Variants in SLC35D3 observed in about 807,000 individuals in gnomAD.
The protein encoded by SLC35D3 is solute carrier family 35 member D3.
Under a neutral mutation model 20.3 loss-of-function variants are expected in SLC35D3, and 18 were observed. That is an observed-to-expected ratio of 0.89 (90% confidence interval 0.61 to 1.32). The LOEUF is 1.32. SLC35D3 is among the 40% of genes most tolerant of loss of function. The pLI, the probability that SLC35D3 is intolerant of heterozygous loss-of-function variation, is 0.00. For synonymous variants in SLC35D3, 313 were observed against 263.5 expected (o/e 1.19, Z -1.82); for missense variants, 556 against 565.5 (o/e 0.98, Z 0.17).
At position 136,923,790 on chromosome 6, in the gene SLC35D3, C is replaced by A; in HGVS notation, c.440-95C>A. 3.3e-6 allele frequency: 4 copies of A among 1,215,840 alleles called. No homozygotes were observed. Among genetic ancestry groups the A allele is most frequent in the Non-Finnish European group, 3.3e-6 (3 of 898,074 alleles). The allele number at this position is 1,215,840 out of a possible 1,614,324, so 75.3% of individuals were successfully genotyped here. On this transcript the variant is annotated intron_variant, in intron 1 of 1. Transcript: ENST00000331858. The surrounding 1 kb of genome is among the most constrained non-coding windows in gnomAD (Gnocchi z 6.2). ...GAACCCAGTCTCCTTTCCTACCCGACGCGTTTTCCCCGTGGGTCCCCGCCC... is the reference window on the plus strand; with the variant it reads ...GAACCCAGTCTCCTTTCCTACCCGAAGCGTTTTCCCCGTGGGTCCCCGCCC...
At position 136,924,194 on chromosome 6, in the gene SLC35D3, A is replaced by G. The variant is rs761828308; in HGVS notation, c.749A>G (p.Asn250Ser). Residue 250 changes from asparagine (N) to serine (S), a missense_variant, in exon 2 of 2, where the codon AAT becomes AGT. Physicochemically the swap from Asn to Ser is conservative, Grantham distance 46 (BLOSUM62 1). Transcript: ENST00000331858. ...NFTTLHCTYINSAVTTSFVGV... is the reference protein window; with the variant it reads ...NFTTLHCTYISSAVTTSFVGV... ...ACCACGCTGCACTGCACCTACATCA[A>G]TTCGGCCGTGACCACCAGCTTCGTG... 1.2e-6 allele frequency: 2 copies of G among 1,613,432 alleles called. No homozygotes were observed. The highest frequency in any genetic ancestry group is 1.3e-5 in the African/African-American group (1 of 74,912).
In SLC35D3 at chr6:136,924,003, G is replaced by T. The variant is rs1458383448; in HGVS notation, c.558G>T (p.Pro186=). The T allele has an allele frequency of 1.3e-6, 2 of 1,595,270 alleles. No individual in the cohort carries two copies. The highest frequency in any genetic ancestry group is 8.5e-7 in the Non-Finnish European group (1 of 1,174,960). The change falls in exon 2 of 2, where the codon CCG becomes CCT. Residue 186 remains proline, a synonymous_variant. Coordinates refer to ENST00000331858, the MANE Select transcript of SLC35D3 (RefSeq NM_001008783.3). ...QKASADTEHG[P]LTAQYVIAVS... ...CCAGCGCAGACACCGAGCACGGGCC[G>T]CTCACCGCGCAGTACGTCATCGCCG...
In SLC35D3 at chr6:136,922,794, G is replaced by T. The variant is rs1189107296; in HGVS notation, c.366G>T (p.Val122=). 1.3e-6 allele frequency: 2 copies of T among 1,563,234 alleles called. No individual in the cohort carries two copies. The highest frequency in any genetic ancestry group is 1.2e-5 in the South Asian group (1 of 85,104). ...PLVTMLIGVL[V]LKNGAPSPGV... The stretch of plus-strand genomic sequence containing the variant: ...TCACCATGCTCATCGGCGTCCTGGT[G>T]CTCAAGAACGGCGCGCCCTCGCCAG... Residue 122 remains valine, a synonymous_variant, in exon 1 of 2, where the codon GTG becomes GTT. Coordinates refer to ENST00000331858, the MANE Select transcript of SLC35D3 (RefSeq NM_001008783.3). The surrounding 1 kb of genome is among the most constrained non-coding windows in gnomAD (Gnocchi z 6.8).
Position 136,925,149 on chromosome 6 carries a change from G to A in SLC35D3, c.*453G>A, listed in dbSNP as rs1196161298. 6.3e-6 allele frequency: 1 copy of A among 157,978 alleles called. No homozygotes were observed. The highest frequency in any genetic ancestry group is 1.4e-5 in the Non-Finnish European group (1 of 71,390). 9.8% of individuals were successfully genotyped at this position (157,978 alleles called of 1,614,324 possible). A position where few individuals can be genotyped will look rare whatever the true frequency, so the allele number is the denominator to read the frequency against. The stretch of plus-strand genomic sequence containing the variant: ...TCGCCAGCTGGGCAAAGAGTATATT[G>A]CTGAAATGATATATAAATATATTGA... On this transcript the variant is annotated 3_prime_UTR_variant, in exon 2 of 2. Transcript: ENST00000331858.
chr6:136,923,846 T>C lies in SLC35D3; in HGVS notation c.440-39T>C, dbSNP rs1186945871. ...AACCTGCTGTCTTCTCTCTTTTTCC[T>C]TCCCGCCCGGGCTCGGCCGTCCTCC... On this transcript the variant is annotated intron_variant, in intron 1 of 1. Transcript: ENST00000331858. This position sits in a 1 kb window ranked among gnomAD's most constrained non-coding sequence, Gnocchi z 6.2. 14 of 1,471,066 alleles carry C rather than the reference T, an allele frequency of 9.5e-6. No individual in the cohort carries two copies. Among genetic ancestry groups the C allele is most frequent in the Middle Eastern group, 2.4e-4 (1 of 4,088 alleles). The allele number at this position is 1,471,066 out of a possible 1,614,324, so 91.1% of individuals were successfully genotyped here. A position where few individuals can be genotyped will look rare whatever the true frequency, so the allele number is the denominator to read the frequency against.
rs1776076571 is a variant in SLC35D3, at chr6:136,922,581, CGCGGCGCTG to C, written c.154_162del (p.Ala52_Leu54del). On this transcript the variant is annotated inframe_deletion, in exon 1 of 2. Transcript: ENST00000331858. The surrounding 1 kb of genome is among the most constrained non-coding windows in gnomAD (Gnocchi z 6.8). ...TGGTGCAGTGCCTGACCAGCTCCACCGCGGCGCTGAGCCTGGAGCTGCTGCGGCGCCTCG... is the reference window on the plus strand; with the variant it reads ...TGGTGCAGTGCCTGACCAGCTCCACCAGCCTGGAGCTGCTGCGGCGCCTCG... The C allele has an allele frequency of 6.2e-7, 1 of 1,612,338 alleles. No homozygotes were observed. The highest frequency in any genetic ancestry group is 8.5e-7 in the Non-Finnish European group (1 of 1,179,744).
In SLC35D3 at chr6:136,924,377, A is replaced by T; in HGVS notation, c.932A>T (p.Tyr311Phe). 2 of 1,614,056 alleles carry T rather than the reference A, an allele frequency of 1.2e-6. No homozygotes were observed. The highest frequency in any genetic ancestry group is 1.7e-6 in the Non-Finnish European group (2 of 1,180,014). Residue 311 changes from tyrosine (Y) to phenylalanine (F), a missense_variant, in exon 2 of 2, where the codon TAC (tyrosine) becomes TTC (phenylalanine). Tyr to Phe is a conservative substitution (Grantham distance 22, BLOSUM62 3). Coordinates refer to ENST00000331858, the MANE Select transcript of SLC35D3 (RefSeq NM_001008783.3). The part of the protein sequence containing the change: ...KFMETRKQSN[Y>F]EDLEAQPRGE... Reference sequence around the variant, plus strand: ...ATGGAGACCAGAAAGCAAAGCAACTACGAGGACCTGGAGGCCCAGCCTCGG... The same window carrying T: ...ATGGAGACCAGAAAGCAAAGCAACTTCGAGGACCTGGAGGCCCAGCCTCGG...
chr6:136,923,711 C>A lies in SLC35D3; in HGVS notation c.440-174C>A, dbSNP rs2115308559. On this transcript the variant is annotated intron_variant, in intron 1 of 1. Transcript: ENST00000331858. The surrounding 1 kb of genome is among the most constrained non-coding windows in gnomAD (Gnocchi z 6.2). ...GGCTGTCGCATTTGACACGGGTGGC[C>A]GAGGGACGGCGGGCGTCTGTCACTC... Among the ~76,000 whole-genome samples, 1 of 152,306 alleles carries A rather than the reference C, an allele frequency of 6.6e-6. No homozygotes were observed. Among genetic ancestry groups the A allele is most frequent in the South Asian group, 2.1e-4 (1 of 4,828 alleles).
rs1259067348 is a variant in SLC35D3 at position 136,922,723 on chromosome 6, C to T, written c.295C>T (p.Leu99Phe). 6.3e-7 allele frequency: 1 copy of T among 1,583,862 alleles called. No individual in the cohort carries two copies. The highest frequency in any genetic ancestry group is 1.3e-5 in the African/African-American group (1 of 74,286). Residue 99 changes from leucine (L) to phenylalanine (F), a missense_variant, in exon 1 of 2, where the codon CTC (leucine) becomes TTC (phenylalanine). Physicochemically the swap from Leu to Phe is conservative, Grantham distance 22 (BLOSUM62 0). Transcript: ENST00000331858. This position sits in a 1 kb window ranked among gnomAD's most constrained non-coding sequence, Gnocchi z 6.8. ...SSLTLWSLRG[L>F]SLPMYVVFKR... ...CCTCACGCTCTGGTCCCTGCGCGGC[C>T]TCAGCCTGCCCATGTACGTGGTCTT...
chr6:136,924,276 G>A lies in SLC35D3; in HGVS notation c.831G>A (p.Val277=). The change falls in exon 2 of 2, where the codon GTG becomes GTA. Residue 277 remains valine (V), a synonymous_variant. Coordinates refer to ENST00000331858, the MANE Select transcript of SLC35D3 (RefSeq NM_001008783.3). ...ITVGMVAFSD[V]EPTSLFIAGV... ...TGGGCATGGTGGCCTTCAGCGACGT[G>A]GAGCCCACCTCTCTGTTCATTGCCG... 6.2e-7 allele frequency: 1 copy of A among 1,614,128 alleles called. No homozygotes were observed. The highest frequency in any genetic ancestry group is 1.3e-5 in the African/African-American group (1 of 75,058).
At position 136,923,820 on chromosome 6, in the gene SLC35D3, C is replaced by A; in HGVS notation, c.440-65C>A. ...TTTCCCCGTGGGTCCCCGCCCACGC[C>A]AACCTGCTGTCTTCTCTCTTTTTCC... On this transcript the variant is annotated intron_variant, in intron 1 of 1. Coordinates refer to ENST00000331858, the MANE Select transcript of SLC35D3 (RefSeq NM_001008783.3). The surrounding 1 kb of genome is among the most constrained non-coding windows in gnomAD (Gnocchi z 6.2). The A allele has an allele frequency of 7.0e-7, 1 of 1,424,046 alleles. No individual in the cohort carries two copies. Among genetic ancestry groups the A allele is most frequent in the African/African-American group, 1.4e-5 (1 of 70,088 alleles). 88.2% of individuals were successfully genotyped at this position (1,424,046 alleles called of 1,614,324 possible).
chr6:136,922,881 C>T lies in SLC35D3; in HGVS notation c.439+14C>T, dbSNP rs1402815799. ...CCGCCCTGGCAGGTGAGCGGGCCCCCGCGCCGACCCCCAGCCGACCCCACC... is the reference window on the plus strand; with the variant it reads ...CCGCCCTGGCAGGTGAGCGGGCCCCTGCGCCGACCCCCAGCCGACCCCACC... On this transcript the variant is annotated intron_variant, in intron 1 of 1. Transcript: ENST00000331858. The surrounding 1 kb of genome is among the most constrained non-coding windows in gnomAD (Gnocchi z 6.8). The T allele has an allele frequency of 1.9e-5, 29 of 1,515,522 alleles. No homozygotes were observed. The highest frequency in any genetic ancestry group is 2.5e-5 in the Non-Finnish European group (28 of 1,137,740). The allele number at this position is 1,515,522 out of a possible 1,614,324, so 93.9% of individuals were successfully genotyped here. A position where few individuals can be genotyped will look rare whatever the true frequency, so the allele number is the denominator to read the frequency against.
chr6:136,922,874 G>A lies in SLC35D3; in HGVS notation c.439+7G>A, dbSNP rs934232493. The A allele has an allele frequency of 2.0e-6, 3 of 1,523,200 alleles. No individual in the cohort carries two copies. Among genetic ancestry groups the A allele is most frequent in the Non-Finnish European group, 2.6e-6 (3 of 1,140,510 alleles). The allele number at this position is 1,523,200 out of a possible 1,614,324, so 94.4% of individuals were successfully genotyped here. A position where few individuals can be genotyped will look rare whatever the true frequency, so the allele number is the denominator to read the frequency against. ...TGCGGCGCCGCCCTGGCAGGTGAGC[G>A]GGCCCCCGCGCCGACCCCCAGCCGA... On this transcript the variant is annotated splice_region_variant and intron_variant, in intron 1 of 1. Coordinates refer to ENST00000331858, the MANE Select transcript of SLC35D3 (RefSeq NM_001008783.3). This position sits in a 1 kb window ranked among gnomAD's most constrained non-coding sequence, Gnocchi z 6.8.
Position 136,923,233 on chromosome 6 carries a change from A to G in SLC35D3, c.439+366A>G, listed in dbSNP as rs1404540865. ...AGCTGGAGTCCTCCAAGCCTGGACC[A>G]AGCCGGAAGGAGGGGGCCGTGAACT... On this transcript the variant is annotated intron_variant, in intron 1 of 1. Coordinates refer to ENST00000331858, the MANE Select transcript of SLC35D3 (RefSeq NM_001008783.3). The surrounding 1 kb of genome is among the most constrained non-coding windows in gnomAD (Gnocchi z 6.2). Among the ~76,000 whole-genome samples, 3 of 152,162 alleles carry G rather than the reference A, an allele frequency of 2.0e-5. No individual in the cohort carries two copies. The highest frequency in any genetic ancestry group is 4.8e-5 in the African/African-American group (2 of 41,434).
Position 136,922,841 on chromosome 6 carries a change from T to G in SLC35D3, c.413T>G (p.Ile138Ser), listed in dbSNP as rs1442159765. Reference protein sequence around the residue: ...PSPGVLAAVLITTCGAALAGA... With the variant: ...PSPGVLAAVLSTTCGAALAGA... ...CCAGGGGTGCTGGCGGCGGTGCTCATCACCACCTGCGGCGCCGCCCTGGCA... is the reference window on the plus strand; with the variant it reads ...CCAGGGGTGCTGGCGGCGGTGCTCAGCACCACCTGCGGCGCCGCCCTGGCA... Residue 138 changes from isoleucine (I) to serine (S), a missense_variant, in exon 1 of 2, where the codon ATC becomes AGC. Coordinates refer to ENST00000331858, the MANE Select transcript of SLC35D3 (RefSeq NM_001008783.3). This position sits in a 1 kb window ranked among gnomAD's most constrained non-coding sequence, Gnocchi z 6.8. 1 of 1,545,598 alleles carries G rather than the reference T, an allele frequency of 6.5e-7. No homozygotes were observed. The highest frequency in any genetic ancestry group is 8.7e-7 in the Non-Finnish European group (1 of 1,148,034).
Position 136,922,653 on chromosome 6 carries a change from G to A in SLC35D3, c.225G>A (p.Ala75=). The A allele has an allele frequency of 1.2e-6, 2 of 1,608,164 alleles. No individual in the cohort carries two copies. Among genetic ancestry groups the A allele is most frequent in the Non-Finnish European group, 1.7e-6 (2 of 1,179,036 alleles). ...IAVPPFGLSL[A]RSFAGVAVLS... is the part of the protein sequence containing the mutation. ...TGCCCCCCTTCGGTCTGAGCCTGGCGCGCTCCTTCGCGGGGGTCGCGGTGC... is the reference window on the plus strand; with the variant it reads ...TGCCCCCCTTCGGTCTGAGCCTGGCACGCTCCTTCGCGGGGGTCGCGGTGC... The change falls in exon 1 of 2, where the codon GCG becomes GCA. Residue 75 remains alanine, a synonymous_variant. Coordinates refer to ENST00000331858, the MANE Select transcript of SLC35D3 (RefSeq NM_001008783.3). The surrounding 1 kb of genome is among the most constrained non-coding windows in gnomAD (Gnocchi z 6.8).
Position 136,924,579 on chromosome 6 carries a change from A to G in SLC35D3, c.1134A>G (p.Glu378=). The part of the protein sequence containing the change: ...RGVPLVAGSS[E]EGSRRSLKDA... Reference sequence around the variant, plus strand: ...TCCCGCTGGTGGCTGGGAGCTCTGAAGAAGGGAGCAGGAGGTCGTTAAAAG... The same window carrying G: ...TCCCGCTGGTGGCTGGGAGCTCTGAGGAAGGGAGCAGGAGGTCGTTAAAAG... The change falls in exon 2 of 2, where the codon GAA becomes GAG. Residue 378 remains glutamate, a synonymous_variant. Transcript: ENST00000331858. The G allele has an allele frequency of 1.2e-6, 2 of 1,613,924 alleles. No individual in the cohort carries two copies. Among genetic ancestry groups the G allele is most frequent in the Non-Finnish European group, 1.7e-6 (2 of 1,180,022 alleles).
In SLC35D3 at chr6:136,923,311, G is replaced by T. The variant is rs1043859587; in HGVS notation, c.439+444G>T. Among the ~76,000 whole-genome samples, 1 of 152,202 alleles carries T rather than the reference G, an allele frequency of 6.6e-6. No individual in the cohort carries two copies. The highest frequency in any genetic ancestry group is 6.5e-5 in the Admixed American group (1 of 15,288). On this transcript the variant is annotated intron_variant, in intron 1 of 1. Transcript: ENST00000331858. This position sits in a 1 kb window ranked among gnomAD's most constrained non-coding sequence, Gnocchi z 6.2. ...AGGTGGGGGATGGGGGCGAAGCTGAGGGTTCCCGGGGCTACTGCGGGGTGT... is the reference window on the plus strand; with the variant it reads ...AGGTGGGGGATGGGGGCGAAGCTGATGGTTCCCGGGGCTACTGCGGGGTGT...
Position 136,922,805 on chromosome 6 carries a change from G to C in SLC35D3, c.377G>C (p.Gly126Ala). 1 of 1,560,976 alleles carries C rather than the reference G, an allele frequency of 6.4e-7. No homozygotes were observed. The highest frequency in any genetic ancestry group is 8.7e-7 in the Non-Finnish European group (1 of 1,153,746). Residue 126 changes from glycine (G) to alanine (A), a missense_variant, in exon 1 of 2, where the codon GGC (glycine) becomes GCC (alanine). Coordinates refer to ENST00000331858, the MANE Select transcript of SLC35D3 (RefSeq NM_001008783.3). The surrounding 1 kb of genome is among the most constrained non-coding windows in gnomAD (Gnocchi z 6.8). Reference protein sequence around the residue: ...MLIGVLVLKNGAPSPGVLAAV... With the variant: ...MLIGVLVLKNAAPSPGVLAAV... ...ATCGGCGTCCTGGTGCTCAAGAACG[G>C]CGCGCCCTCGCCAGGGGTGCTGGCG...
Sources: allele counts gnomAD v4.1 joint callset (sites outside exome capture counted in the v4.1 genomes callset), GRCh38; gene constraint gnomAD v4.1.1; non-coding constraint Gnocchi (gnomAD v3.1); transcripts MANE v1.5; gene names NCBI Gene and HGNC (gene_info 2026-07-23, HGNC 2026-07-21).